Variants in LUZP2 observed in about 807,000 individuals in gnomAD.
The protein encoded by LUZP2 is leucine zipper protein 2.
In LUZP2, 52 loss-of-function variants were observed where a neutral mutation model predicts 51.6. That is an observed-to-expected ratio of 1.01 (90% CI 0.81 to 1.27). The LOEUF (loss-of-function observed/expected upper bound fraction) is 1.27, where lower values mean the gene tolerates loss of function less well. LUZP2 is among the 50% of genes most tolerant of loss of function. The pLI, the probability that LUZP2 is intolerant of heterozygous loss-of-function variation, is 0.00. For synonymous variants in LUZP2, 154 were observed against 137.3 expected (o/e 1.12, Z -0.85); for missense variants, 436 against 395.4 (o/e 1.10, Z -0.87).
chr11:24,889,204 GTTC>G (rs1463377227), intron 5 of LUZP2, among the ~76,000 whole-genome samples: 1 of 152,116 alleles, frequency 6.6e-6, no homozygotes, highest in Non-Finnish European at 1.5e-5. Context: ...CTTCCTTGCT[GTTC>G]TTAACCGTAA....
At chr11:24,951,404 G>A (rs1400101336) in intron 7 of LUZP2, among the ~76,000 whole-genome samples, 1 of 151,452 alleles carries the variant, frequency 6.6e-6, no homozygotes, top group African/African-American at 2.4e-5. Flanking sequence ...TAAGGGCCTT[G>A]TCCATTAGCT....
chr11:25,001,701 T>G (rs1000264855), intron 9 of LUZP2, among the ~76,000 whole-genome samples: 24 of 152,214 alleles, frequency 1.6e-4, no homozygotes, highest in Admixed American at 9.8e-4. Context: ...CTCTTTCTCT[T>G]TGACTTCATC....
intron 9 of LUZP2, among the ~76,000 whole-genome samples, chr11:25,039,550 G>A (rs1325027706): frequency 6.6e-6 from 1 of 152,136 alleles, no homozygotes; most frequent in African/African-American, 2.4e-5. Context: ...GCCCAACTCT[G>A]CCGGAGCTGA....
At position 24,678,891 on chromosome 11, in the gene LUZP2, A is replaced by C. The variant is rs1856647744; in HGVS notation, c.63-50278A>C. On this transcript the variant is annotated intron_variant, in intron 1 of 11. Transcript: ENST00000336930. ...TCTTCCTTGAAAGGTTATTTTCTGC[A>C]AAATAAGATATAGTGCTGCGTCCAG... is the stretch of plus-strand genomic sequence containing the variant. Among the ~76,000 whole-genome samples, 2 of 152,248 alleles carry C rather than the reference A, an allele frequency of 1.3e-5. 1 individual carries two copies. Among genetic ancestry groups the C allele is most frequent in the South Asian group, 4.1e-4 (2 of 4,836 alleles).
intron 1 of LUZP2, among the ~76,000 whole-genome samples, chr11:24,546,916 T>C (rs560381393): frequency 4.6e-5 from 7 of 151,950 alleles, no homozygotes; most frequent in African/African-American, 1.7e-4. Flanking sequence ...TTTTTTGTTT[T>C]GTTTTGTTTT....
chr11:24,960,856 T>C (rs1855372790), intron 7 of LUZP2, among the ~76,000 whole-genome samples: 1 of 152,206 alleles, frequency 6.6e-6, no homozygotes. Context: ...CAGTTTTGGA[T>C]CTTTCCTGCT....
At chr11:24,968,451 C>G (rs139619497) in intron 7 of LUZP2, among the ~76,000 whole-genome samples, 2 of 152,138 alleles carry the variant, frequency 1.3e-5, no homozygotes, top group South Asian at 4.1e-4. Flanking sequence ...AGCTATTAAT[C>G]TAAAGACTGC....
intron 1 of LUZP2, among the ~76,000 whole-genome samples, chr11:24,629,761 C>T (rs185132967): frequency 1.3e-5 from 2 of 151,588 alleles, no homozygotes; most frequent in African/African-American, 4.8e-5. Flanking sequence ...GTTCCTTGAG[C>T]AATCTTCATA....
intron 5 of LUZP2, among the ~76,000 whole-genome samples, chr11:24,815,851 G>T (rs1360940968): frequency 1.3e-5 from 2 of 152,024 alleles, no homozygotes; most frequent in African/African-American, 4.8e-5. Context: ...GCAATAATCA[G>T]AGCCATAGGA....
chr11:24,598,150 C>T (rs930365528), intron 1 of LUZP2, among the ~76,000 whole-genome samples: 3 of 150,720 alleles, frequency 2.0e-5, no homozygotes, highest in Non-Finnish European at 4.4e-5. Context: ...TGCTTTGTGC[C>T]CTGTAGATAA....
At chr11:24,660,866 T>C (rs2133981956) in intron 1 of LUZP2, among the ~76,000 whole-genome samples, 1 of 152,308 alleles carries the variant, frequency 6.6e-6, no homozygotes, top group African/African-American at 2.4e-5. Flanking sequence ...TATGAAATAA[T>C]ACTGCTTATA....
intron 7 of LUZP2, among the ~76,000 whole-genome samples, chr11:24,966,039 A>G (rs1186396032): frequency 6.6e-6 from 1 of 151,766 alleles, no homozygotes; most frequent in Middle Eastern, 3.2e-3. Flanking sequence ...TAGTACACTT[A>G]AGTTTTCTAG....
intron 5 of LUZP2, among the ~76,000 whole-genome samples, chr11:24,805,461 T>C (rs994889067): frequency 6.6e-6 from 1 of 152,126 alleles, no homozygotes; most frequent in South Asian, 2.1e-4. Context: ...GTGATCTGCC[T>C]GCCTCAGTCA....
intron 7 of LUZP2, among the ~76,000 whole-genome samples, chr11:24,937,760 G>A (rs569269856): frequency 7.9e-5 from 12 of 152,160 alleles, no homozygotes; most frequent in African/African-American, 2.6e-4. Context: ...AATTAGCCGG[G>A]CGTGGTGGCG....
chr11:24,739,652 A>T (rs1020503963), intron 4 of LUZP2, among the ~76,000 whole-genome samples: 2 of 152,148 alleles, frequency 1.3e-5, no homozygotes, highest in African/African-American at 4.8e-5. Context: ...CTCTAAACAC[A>T]GTCAGCCTGC....
At chr11:24,656,171 T>A (rs1855795869) in intron 1 of LUZP2, among the ~76,000 whole-genome samples, 1 of 152,198 alleles carries the variant, frequency 6.6e-6, no homozygotes, top group South Asian at 2.1e-4. Context: ...AGATTCTCAA[T>A]GCTGCTTAGG....
At chr11:24,861,570 C>G (rs1315005890) in intron 5 of LUZP2, among the ~76,000 whole-genome samples, 1 of 152,074 alleles carries the variant, frequency 6.6e-6, no homozygotes, top group Non-Finnish European at 1.5e-5. Flanking sequence ...CCGTCCCACA[C>G]ACCCGGGCTG....
chr11:25,070,770 GGT>G (rs67504954), intron 10 of LUZP2, among the ~76,000 whole-genome samples: 7,980 of 141,252 alleles, frequency 0.056, 514 homozygotes, highest in African/African-American at 0.16. Context: ...GACTGTGTAT[GGT>G]GTGTGTGTGT....
intron 4 of LUZP2, among the ~76,000 whole-genome samples, chr11:24,757,247 C>A (rs1370830852): frequency 1.3e-5 from 2 of 151,940 alleles, no homozygotes; most frequent in East Asian, 1.9e-4. Flanking sequence ...AAATGATATA[C>A]AAATAAAATA....
Sources: gnomAD v4.1 joint callset for allele counts (sites outside exome capture counted in the v4.1 genomes callset) on GRCh38, gnomAD v4.1.1 for gene constraint, MANE v1.5 for transcripts, NCBI Gene and HGNC (gene_info 2026-07-23, HGNC 2026-07-21) for gene names.